The following UBR4 variants were observed in gnomAD, a reference collection of about 807,000 sequenced individuals.
UBR4 encodes the protein ubiquitin protein ligase E3 component n-recognin 4.
A neutral mutation model predicts 575.6 loss-of-function variants in UBR4; 124 were observed. That is an observed-to-expected ratio of 0.22 (90% confidence interval 0.19 to 0.25). UBR4 has a LOEUF of 0.25. Among genes scored for constraint, UBR4 ranks in the 10% least tolerant of loss-of-function variants. The probability of loss-of-function intolerance (pLI) is 1.00; values close to 1 mark genes in which losing one functional copy is unlikely to be tolerated. For missense variants in UBR4, 4,818 were observed against 6,478.8 expected, an observed-to-expected ratio of 0.74 and a Z score of 8.80; for synonymous variants, 2,455 against 2,473.7, an observed-to-expected ratio of 0.99 and a Z score of 0.22.
chr1:19,126,737 A>G, intron 63 of UBR4, 82 bp from the exon 64 acceptor site: 2 of 1,412,188 alleles, frequency 1.4e-6, no homozygotes, highest in Non-Finnish European at 2.0e-6. Flanking sequence ...GGGGATGGGA[A>G]ACACACTCAC....
chr1:19,170,616 A>T, intron 26 of UBR4, 146 bp downstream of exon 26: 1 of 1,123,618 alleles, frequency 8.9e-7, no homozygotes, highest in Non-Finnish European at 1.3e-6. Context: ...GTGAAGATCA[A>T]AATAGACAAA....
chr1:19,205,928 T>C (rs1367689720), intron 1 of UBR4, among the ~76,000 whole-genome samples: 1 of 152,206 alleles, frequency 6.6e-6, no homozygotes, highest in South Asian at 2.1e-4. Context: ...TTTCTTTTTA[T>C]CTACAAAGAG....
chr1:19,138,304 T>C, intron 59 of UBR4, 123 bp from the exon 60 acceptor site: 2 of 1,096,356 alleles, frequency 1.8e-6, no homozygotes, highest in Non-Finnish European at 2.4e-6. Flanking sequence ...ACTGGTAGCA[T>C]TTTTGTCTTA....
intron 49 of UBR4, chr1:19,149,650 G>A: frequency 1.0e-6 from 1 of 975,602 alleles, no homozygotes; most frequent in Non-Finnish European, 1.4e-6. Flanking sequence ...AGAACAGAAA[G>A]AAGCAGGAAG....
chr1:19,179,086 G>A lies in UBR4; in HGVS notation c.2319C>T (p.Asp773=). The A allele has an allele frequency of 6.2e-7, 1 of 1,613,848 alleles. No individual in the cohort carries two copies. Among genetic ancestry groups the A allele is most frequent in the Non-Finnish European group, 8.5e-7 (1 of 1,179,944 alleles). The change falls in exon 18 of 106, where the codon GAC becomes GAT. Residue 773 remains aspartate (D), a synonymous_variant. Coordinates refer to ENST00000375254, the MANE Select transcript of UBR4 (RefSeq NM_020765.3). The part of the protein sequence containing the change: ...IWQHKASAQG[D]PDVPECLKVW... Reference sequence around the variant, plus strand: ...CTTTAAGGCATTCTGGGACGTCAGGGTCACCTTGAGCACTGGCTTTATGTT... The same window carrying A: ...CTTTAAGGCATTCTGGGACGTCAGGATCACCTTGAGCACTGGCTTTATGTT...
At chr1:19,176,442 G>T in intron 20 of UBR4, 150 bp downstream of exon 20, 1 of 905,376 alleles carries the variant, frequency 1.1e-6, no homozygotes, top group Non-Finnish European at 1.6e-6. Context: ...GTCCATTTCT[G>T]AAATGTTTTA....
In UBR4 at chr1:19,164,498, G is replaced by T. The variant is rs192438026; in HGVS notation, c.4512-57C>A. On this transcript the variant is annotated intron_variant, in intron 32 of 105. Coordinates refer to ENST00000375254, the MANE Select transcript of UBR4 (RefSeq NM_020765.3). ...AATCAACAGGAATCTCATTCTGTGT[G>T]TTATAAAGGAAGTTTTAAATTAAAC... 1,089 of 1,528,014 alleles carry T rather than the reference G, an allele frequency of 7.1e-4. 6 individuals carry two copies. In the African/African-American group the frequency reaches 0.013, roughly 18 times the overall value. The allele number at this position is 1,528,014 out of a possible 1,614,324, so 94.7% of individuals were successfully genotyped here. A position where few individuals can be genotyped will look rare whatever the true frequency, so the allele number is the denominator to read the frequency against.
At chr1:19,101,401 T>C (rs2078623492) in intron 88 of UBR4, 119 bp downstream of exon 88, 5 of 1,336,382 alleles carry the variant, frequency 3.7e-6, no homozygotes, top group Non-Finnish European at 4.9e-6. Flanking sequence ...CTTTCACTAA[T>C]GACTAAGTGG....
Position 19,074,628 on chromosome 1 carries a change from C to T in UBR4, c.*204G>A. 2 of 618,286 alleles carry T rather than the reference C, an allele frequency of 3.2e-6. No homozygotes were observed. Among genetic ancestry groups the T allele is most frequent in the Non-Finnish European group, 2.9e-6 (1 of 350,578 alleles). The allele number at this position is 618,286 out of a possible 1,614,324, so 38.3% of individuals were successfully genotyped here. A position where few individuals can be genotyped will look rare whatever the true frequency, so the allele number is the denominator to read the frequency against. ...ACAGGCCCTTTGATGGCTTGGGTTA[C>T]AGACAACCTCATAGCTGGTGCACCA... On this transcript the variant is annotated 3_prime_UTR_variant, in exon 106 of 106. Transcript: ENST00000375254.
At chr1:19,208,591 CTTGA>C (rs769387752) in intron 1 of UBR4, among the ~76,000 whole-genome samples, 11 of 151,728 alleles carry the variant, frequency 7.2e-5, no homozygotes, top group Non-Finnish European at 8.8e-5. Context: ...AAATACAACT[CTTGA>C]TTATTTGTAC....
intron 1 of UBR4, 73 bp downstream of exon 1, chr1:19,210,000 C>T: frequency 1.4e-6 from 2 of 1,420,004 alleles, no homozygotes; most frequent in East Asian, 3.0e-5. Flanking sequence ...GCCCGGAAAG[C>T]GGGTCCAGAC....
intron 101 of UBR4, among the ~76,000 whole-genome samples, chr1:19,085,504 A>C (rs566689268): frequency 1.4e-4 from 22 of 152,200 alleles, no homozygotes; most frequent in African/African-American, 5.3e-4. Context: ...CCTGGGTGAC[A>C]AGAGCAAAAC....
chr1:19,120,761 A>G (rs1330898085), intron 68 of UBR4, among the ~76,000 whole-genome samples: 3 of 152,180 alleles, frequency 2.0e-5, no homozygotes, highest in Non-Finnish European at 4.4e-5. Flanking sequence ...ATGGCTCTCA[A>G]CCCTGACCAC....
chr1:19,143,379 C>T (rs1021973442), intron 55 of UBR4, among the ~76,000 whole-genome samples: 4 of 152,044 alleles, frequency 2.6e-5, no homozygotes, highest in Non-Finnish European at 5.9e-5. Context: ...AGCCAAGTAA[C>T]CAGAATTATA....
At chr1:19,193,285 A>G in intron 9 of UBR4, 148 bp downstream of exon 9, 1 of 1,035,068 alleles carries the variant, frequency 9.7e-7, no homozygotes, top group South Asian at 1.6e-5. Flanking sequence ...AACAAGCTGG[A>G]TGCCTACCTC....
At position 19,167,036 on chromosome 1, in the gene UBR4, A is replaced by G; in HGVS notation, c.4095T>C (p.His1365=). The change falls in exon 29 of 106, where the codon CAT becomes CAC. Residue 1365 remains histidine, a synonymous_variant. Coordinates refer to ENST00000375254, the MANE Select transcript of UBR4 (RefSeq NM_020765.3). The stretch of plus-strand genomic sequence containing the variant: ...ATCAGGCTCACCTGTTAGGATCTGC[A>G]TGATTGGCCAGAATGTTGTAACAAC... ...ITGCYNILAN[H]ADPNSGLDES... 19 of 1,614,250 alleles carry G rather than the reference A, an allele frequency of 1.2e-5. No individual in the cohort carries two copies. The highest frequency in any genetic ancestry group is 1.6e-5 in the Non-Finnish European group (19 of 1,180,042).
At chr1:19,163,139 T>C (rs1281135745) in intron 34 of UBR4, among the ~76,000 whole-genome samples, 3 of 152,204 alleles carry the variant, frequency 2.0e-5, no homozygotes, top group Admixed American at 2.0e-4. Context: ...AAGACTCAGA[T>C]TTCTAAGTTC....
intron 58 of UBR4, among the ~76,000 whole-genome samples, 167 bp downstream of exon 58, chr1:19,140,621 C>G (rs900559731): frequency 1.3e-5 from 2 of 152,188 alleles, no homozygotes; most frequent in East Asian, 3.8e-4. Flanking sequence ...GCGGCGGGGC[C>G]GAGCCACAGC....
chr1:19,177,216 G>A (rs867930230), intron 19 of UBR4, among the ~76,000 whole-genome samples: 6 of 152,154 alleles, frequency 3.9e-5, no homozygotes, highest in African/African-American at 1.4e-4. Context: ...ATTCGTGGGA[G>A]AATGCCTTTG....
Sources: gnomAD v4.1 joint callset for allele counts (sites outside exome capture counted in the v4.1 genomes callset) on GRCh38, gnomAD v4.1.1 for gene constraint, MANE v1.5 for transcripts, NCBI Gene and HGNC (gene_info 2026-07-23, HGNC 2026-07-21) for gene names.